Variants in CTNND1 observed in about 807,000 individuals in gnomAD.
CTNND1 encodes the protein catenin delta-1.
Under a neutral mutation model 112.1 loss-of-function variants are expected in CTNND1, and 16 were observed. The ratio of observed to expected loss-of-function variants is 0.14; its 90% CI spans 0.10 to 0.22. The LOEUF (loss-of-function observed/expected upper bound fraction) is 0.22. CTNND1 is among the 10% of genes least tolerant of loss of function. CTNND1 has a pLI of 1.00. For missense variants in CTNND1, 1,008 were observed against 1,257.0 expected, an observed-to-expected ratio of 0.80 and a Z score of 3.00; for synonymous variants, 420 against 446.5, an observed-to-expected ratio of 0.94 and a Z score of 0.75.
chr11:57,802,227 G>C (rs766587411), intron 7 of CTNND1, 31 bp downstream of exon 7: 2 of 1,556,514 alleles, frequency 1.3e-6, no homozygotes, highest in South Asian at 1.2e-5. Context: ...AAATTGCTAA[G>C]TCAGTGTTAC....
chr11:57,808,322 G>C, intron 13 of CTNND1, 30 bp downstream of exon 13: 1 of 1,600,386 alleles, frequency 6.2e-7, no homozygotes, highest in Non-Finnish European at 8.6e-7. Flanking sequence ...TTTGGAGATG[G>C]GAAAACTTAG....
intron 1 of CTNND1, among the ~76,000 whole-genome samples, chr11:57,762,785 AC>A (rs1442877344): frequency 1.3e-5 from 2 of 152,144 alleles, no homozygotes. Flanking sequence ...CTTCTAAACT[AC>A]CTTTGATAGC....
chr11:57,796,624 A>G lies in CTNND1; in HGVS notation c.588A>G (p.Gln196=), dbSNP rs1234511472. 1.2e-6 allele frequency: 2 copies of G among 1,613,912 alleles called. No individual in the cohort carries two copies. The highest frequency in any genetic ancestry group is 2.7e-5 in the African/African-American group (2 of 74,930). ...GGGGACCTGGTCCCTATGTGGGGCA[A>G]GCTGGCACTGCTACCCTTCCTAGGA... ...GNGGPGPYVG[Q]AGTATLPRNF... Residue 196 remains glutamine (Q), a synonymous_variant, in exon 6 of 21, where the codon CAA becomes CAG. Coordinates refer to ENST00000399050, the MANE Select transcript of CTNND1 (RefSeq NM_001085458.2).
At chr11:57,780,618 TG>T (rs1226185764) in intron 1 of CTNND1, among the ~76,000 whole-genome samples, 1 of 152,188 alleles carries the variant, frequency 6.6e-6, no homozygotes, top group African/African-American at 2.4e-5. Context: ...CCCTTCAAGA[TG>T]GGATTTTCTT....
intron 6 of CTNND1, 142 bp from the exon 7 acceptor site, chr11:57,801,591 A>ATAT: frequency 1.5e-6 from 1 of 661,578 alleles, no homozygotes; most frequent in Non-Finnish European, 2.6e-6. Flanking sequence ...ATTGATCAGT[A>ATAT]TATTATTCAT....
intron 1 of CTNND1, among the ~76,000 whole-genome samples, chr11:57,769,742 ATG>A (rs1204625333): frequency 6.6e-6 from 1 of 151,642 alleles, no homozygotes; most frequent in African/African-American, 2.4e-5. Flanking sequence ...TCTTGTACCC[ATG>A]TGCTAAAGGT....
chr11:57,772,473 A>T (rs1952935118), intron 1 of CTNND1, among the ~76,000 whole-genome samples: 1 of 152,068 alleles, frequency 6.6e-6, no homozygotes, highest in Admixed American at 6.6e-5. Context: ...TTGAGAATTC[A>T]TGGCTTTGAG....
intron 8 of CTNND1, among the ~76,000 whole-genome samples, chr11:57,804,411 C>T (rs10896647): frequency 0.25 from 37,430 of 152,026 alleles, 5,492 homozygotes; most frequent in Non-Finnish European, 0.33. Flanking sequence ...TACTTCCATA[C>T]GAGAAGTATA....
At chr11:57,781,529 C>T (rs2059582880) in intron 1 of CTNND1, 1 of 152,158 alleles carries the variant, frequency 6.6e-6, no homozygotes, top group Admixed American at 6.5e-5. Flanking sequence ...TAACACCTTC[C>T]TCTGTTTTTT....
intron 1 of CTNND1, chr11:57,764,188 GTTTC>G (rs1410213461): frequency 6.6e-6 from 1 of 152,016 alleles, no homozygotes; most frequent in East Asian, 1.9e-4. Context: ...TGTACGGTTG[GTTTC>G]TTTGTTATGT....
rs58673483 is a variant in CTNND1 at position 57,780,071 on chromosome 11, T to TTTTTTTGG, written c.-213-8966_-213-8965insTTTTTTGG. On this transcript the variant is annotated intron_variant, in intron 1 of 20. Coordinates refer to ENST00000399050, the MANE Select transcript of CTNND1 (RefSeq NM_001085458.2). The stretch of plus-strand genomic sequence containing the variant: ...ACTAGAATGACTTTTTTTTTTTTTT[T>TTTTTTTGG]GAGACAGGGTCTTACTCTGTCACTG... 3.9e-5 allele frequency among the ~76,000 whole-genome samples: 5 copies of TTTTTTTGG among 129,196 alleles called. 1 individual carries two copies. Among genetic ancestry groups the TTTTTTTGG allele is most frequent in the Admixed American group, 8.3e-5 (1 of 12,056 alleles). The allele number at this position is 129,196 out of a possible 152,430, so 84.8% of individuals were successfully genotyped here.
chr11:57,815,486 A>G lies in CTNND1; in HGVS notation c.2794A>G (p.Thr932Ala). The G allele has an allele frequency of 6.2e-7, 1 of 1,611,044 alleles. No homozygotes were observed. Among genetic ancestry groups the G allele is most frequent in the Non-Finnish European group, 8.5e-7 (1 of 1,177,936 alleles). Reference protein sequence around the residue: ...DLGDMEPLKGTTPLMQDEGQE... With the variant: ...DLGDMEPLKGATPLMQDEGQE... The stretch of plus-strand genomic sequence containing the variant: ...AGGCGACATGGAGCCATTGAAGGGA[A>G]CAACACCCTTGATGGTAAATTCTCT... The change falls in exon 19 of 21, where the codon ACA becomes GCA. Residue 932 changes from threonine (T) to alanine (A), a missense_variant. Thr to Ala is a moderately conservative substitution (Grantham distance 58). This residue lies in a region of CTNND1 where 106 missense variants were observed against 116.2 expected (regional missense o/e 0.91). Transcript: ENST00000399050.
In CTNND1 at chr11:57,788,859, G is replaced by C. The variant is rs1162162561; in HGVS notation, c.-213-178G>C. 6.6e-6 allele frequency among the ~76,000 whole-genome samples: 1 copy of C among 152,148 alleles called. No homozygotes were observed. The highest frequency in any genetic ancestry group is 1.5e-5 in the Non-Finnish European group (1 of 68,030). On this transcript the variant is annotated intron_variant, in intron 1 of 20. Transcript: ENST00000399050. The surrounding 1 kb of genome is among the most constrained non-coding windows in gnomAD (Gnocchi z 4.1). ...GGTTTTAATGAAAATGACATCCAAG[G>C]CCTAGGTATCTGAACACAACAAGGT...
At chr11:57,802,472 T>C (rs2062102836) in intron 7 of CTNND1, among the ~76,000 whole-genome samples, 1 of 152,250 alleles carries the variant, frequency 6.6e-6, no homozygotes, top group South Asian at 2.1e-4. Context: ...GGATCTCTTT[T>C]CTTCCTTAGC....
At chr11:57,803,401 T>C (rs1175884949) in intron 7 of CTNND1, among the ~76,000 whole-genome samples, 4 of 152,244 alleles carry the variant, frequency 2.6e-5, no homozygotes, top group Non-Finnish European at 4.4e-5. Flanking sequence ...GCGTTGCTTA[T>C]AGTTAAACAT....
intron 13 of CTNND1, 32 bp downstream of exon 13, chr11:57,808,324 A>G (rs747287456): frequency 1.2e-6 from 2 of 1,600,662 alleles, no homozygotes; most frequent in Admixed American, 3.4e-5. Context: ...TGGAGATGGG[A>G]AAACTTAGAT....
At chr11:57,774,148 C>T (rs1953561753) in intron 1 of CTNND1, among the ~76,000 whole-genome samples, 1 of 152,190 alleles carries the variant, frequency 6.6e-6, no homozygotes, top group Non-Finnish European at 1.5e-5. Flanking sequence ...GTTAAAGTGG[C>T]TTGCATAAGT....
intron 1 of CTNND1, among the ~76,000 whole-genome samples, chr11:57,782,264 G>C (rs762820600): frequency 6.6e-6 from 1 of 152,142 alleles, no homozygotes; most frequent in African/African-American, 2.4e-5. Flanking sequence ...AGAGGAGGGT[G>C]GTCTGCCCAG....
intron 16 of CTNND1, 79 bp from the exon 17 acceptor site, chr11:57,811,320 A>T: frequency 8.8e-7 from 1 of 1,133,124 alleles, no homozygotes; most frequent in Non-Finnish European, 1.3e-6. Flanking sequence ...ATAGGAACCT[A>T]GAGGTTTATG....
Sources: allele counts gnomAD v4.1 joint callset (sites outside exome capture counted in the v4.1 genomes callset), GRCh38; gene constraint gnomAD v4.1.1; regional missense constraint gnomAD v4.1.1; non-coding constraint Gnocchi (gnomAD v3.1); transcripts MANE v1.5; gene names NCBI Gene and HGNC (gene_info 2026-07-23, HGNC 2026-07-21).